SSBP2: variants seen among roughly 807,000 people sequenced by gnomAD.
The protein encoded by SSBP2 is single-stranded DNA-binding protein 2.
Under a neutral mutation model 61.8 loss-of-function variants are expected in SSBP2, and 17 were observed. The observed-to-expected ratio is 0.28, with a 90% CI of 0.19 to 0.41. The LOEUF (loss-of-function observed/expected upper bound fraction) is 0.41. Ranked by LOEUF, SSBP2 falls within the 10% of genes least tolerant of loss-of-function variation. The pLI is 1.00. For synonymous variants in SSBP2, 139 were observed against 141.3 expected, an observed-to-expected ratio of 0.98 and a Z score of 0.12; for missense variants, 310 against 458.7, an observed-to-expected ratio of 0.68 and a Z score of 2.96.
At chr5:81,745,852 TATTAATAAAC>T (rs1175032010) in intron 1 of SSBP2, among the ~76,000 whole-genome samples, 1 of 152,124 alleles carries the variant, frequency 6.6e-6, no homozygotes, top group Non-Finnish European at 1.5e-5. Context: ...TGAGGTGAAG[TATTAATAAAC>T]ATTAATAAAC....
intron 12 of SSBP2, chr5:81,443,062 A>G (rs906336113): frequency 1.3e-5 from 2 of 156,374 alleles, no homozygotes; most frequent in African/African-American, 4.8e-5. Context: ...GTAATATATA[A>G]TATCTCTTAA....
At chr5:81,424,737 T>G (rs1482402030) in intron 16 of SSBP2, among the ~76,000 whole-genome samples, 1 of 152,206 alleles carries the variant, frequency 6.6e-6, no homozygotes, top group East Asian at 1.9e-4. Flanking sequence ...TGCTATAGAT[T>G]ACTATTCTTC....
chr5:81,659,950 A>G (rs1232720795), intron 1 of SSBP2, among the ~76,000 whole-genome samples: 1 of 152,018 alleles, frequency 6.6e-6, no homozygotes, highest in Non-Finnish European at 1.5e-5. Context: ...ATGGTGCTGG[A>G]AAAATTGGCT....
chr5:81,475,110 T>C (rs1487720570), intron 6 of SSBP2, among the ~76,000 whole-genome samples: 1 of 152,096 alleles, frequency 6.6e-6, no homozygotes, highest in East Asian at 1.9e-4. Context: ...CTGACAAAGG[T>C]AGATATGAAC....
At chr5:81,437,628 G>T in intron 14 of SSBP2, 170 bp from the exon 15 acceptor site, 1 of 451,834 alleles carries the variant, frequency 2.2e-6, no homozygotes, top group Non-Finnish European at 3.9e-6. Flanking sequence ...TAGTGAATCA[G>T]TACCATCTGA....
rs1773884668 is a variant in SSBP2, at chr5:81,572,115, A to G, written c.282+43358T>C. ...AGATTCTTAATGAAAAGGGCATTTT[A>G]CTTTCACAGCATTTTGATGGCCTAC... On this transcript the variant is annotated intron_variant, in intron 4 of 16. Coordinates refer to ENST00000320672, the MANE Select transcript of SSBP2 (RefSeq NM_012446.5). Among the ~76,000 whole-genome samples, 3 of 152,172 alleles carry G rather than the reference A, an allele frequency of 2.0e-5. No homozygotes were observed. In the South Asian group the frequency reaches 6.2e-4, roughly 31 times the overall value.
In SSBP2 at chr5:81,416,282, A is replaced by G. The variant is rs1390498078; in HGVS notation, c.*4222T>C. 1 of 152,206 alleles carries G rather than the reference A, an allele frequency of 6.6e-6. No individual in the cohort carries two copies. Among genetic ancestry groups the G allele is most frequent in the African/African-American group, 2.4e-5 (1 of 41,440 alleles). The allele number at this position is 152,206 out of a possible 1,614,324, so 9.4% of individuals were successfully genotyped here. A position where few individuals can be genotyped will look rare whatever the true frequency, so the allele number is the denominator to read the frequency against. ...TGTCAAAACACTAAAATGCATTCCA[A>G]AATCAAAATCAAGTGGCTATGATTT... On this transcript the variant is annotated 3_prime_UTR_variant, in exon 17 of 17. Coordinates refer to ENST00000320672, the MANE Select transcript of SSBP2 (RefSeq NM_012446.5).
chr5:81,528,776 G>A (rs991384222), intron 4 of SSBP2, among the ~76,000 whole-genome samples: 19 of 151,996 alleles, frequency 1.3e-4, no homozygotes, highest in African/African-American at 4.3e-4. Context: ...ATACAAAGAC[G>A]GTCTTTAGTC....
chr5:81,592,105 C>T lies in SSBP2; in HGVS notation c.282+23368G>A, dbSNP rs558698311. Among the ~76,000 whole-genome samples the T allele has an allele frequency of 1.1e-3, 162 of 152,296 alleles. 2 individuals are homozygous for T. Among genetic ancestry groups the T allele is most frequent in the East Asian group, 1.4e-3 (7 of 5,182 alleles). On this transcript the variant is annotated intron_variant, in intron 4 of 16. Transcript: ENST00000320672. ...CCTAGTCAAAGAAAGGGGTGACAGA[C>T]GGCACCTGGAAAATCGGGTCACTCC...
chr5:81,607,627 G>T (rs1421167962), intron 4 of SSBP2, among the ~76,000 whole-genome samples: 4 of 152,088 alleles, frequency 2.6e-5, no homozygotes, highest in Non-Finnish European at 5.9e-5. Context: ...AAAACTTCTG[G>T]AAGAAGCCAT....
intron 4 of SSBP2, among the ~76,000 whole-genome samples, chr5:81,555,229 T>C (rs1000832946): frequency 4.6e-5 from 7 of 152,098 alleles, no homozygotes; most frequent in African/African-American, 1.7e-4. Context: ...AAATCACTAA[T>C]ATAAAACATT....
At chr5:81,441,011 T>C (rs900835729) in intron 13 of SSBP2, among the ~76,000 whole-genome samples, 22 of 152,374 alleles carry the variant, frequency 1.4e-4, no homozygotes, top group South Asian at 1.0e-3. Flanking sequence ...GTTAAGGGTA[T>C]TGGCTTATTA....
At chr5:81,552,359 C>T (rs1326771160) in intron 4 of SSBP2, among the ~76,000 whole-genome samples, 2 of 152,014 alleles carry the variant, frequency 1.3e-5, no homozygotes, top group Non-Finnish European at 1.5e-5. Flanking sequence ...AAGTAAAGGC[C>T]GGGCACGGTG....
At chr5:81,640,218 T>C (rs1748651383) in intron 2 of SSBP2, among the ~76,000 whole-genome samples, 1 of 152,172 alleles carries the variant, frequency 6.6e-6, no homozygotes, top group Non-Finnish European at 1.5e-5. Flanking sequence ...TGTGCGCCTG[T>C]AGTCCCAGCT....
intron 1 of SSBP2, among the ~76,000 whole-genome samples, chr5:81,658,747 A>T (rs1169364987): frequency 6.6e-6 from 1 of 152,190 alleles, no homozygotes; most frequent in East Asian, 1.9e-4. Flanking sequence ...TTCCCTAATG[A>T]ACATCGATGC....
chr5:81,616,918 C>A (rs552397346), intron 3 of SSBP2, among the ~76,000 whole-genome samples: 2 of 150,564 alleles, frequency 1.3e-5, no homozygotes, highest in Non-Finnish European at 1.5e-5. Context: ...AAACTAACAA[C>A]CAGAAAGGAC....
chr5:81,653,096 T>C (rs759670705), intron 1 of SSBP2, among the ~76,000 whole-genome samples: 1 of 152,078 alleles, frequency 6.6e-6, no homozygotes, highest in Non-Finnish European at 1.5e-5. Flanking sequence ...ATCCCTCCCT[T>C]ACCCCCTCAC....
upstream of SSBP2, chr5:81,751,296 C>T: frequency 1.8e-6 from 1 of 554,670 alleles, no homozygotes; most frequent in Admixed American, 3.3e-5. Context: ...CCCCGACTCC[C>T]TCCCTCCCGC....
chr5:81,483,513 A>G (rs1766151758), intron 6 of SSBP2, among the ~76,000 whole-genome samples: 1 of 152,152 alleles, frequency 6.6e-6, no homozygotes, highest in African/African-American at 2.4e-5. Flanking sequence ...CAGAACTAGA[A>G]GAGCCTTTAG....
Sources: gnomAD v4.1 joint callset for allele counts (sites outside exome capture counted in the v4.1 genomes callset) on GRCh38, gnomAD v4.1.1 for gene constraint, MANE v1.5 for transcripts, NCBI Gene and HGNC (gene_info 2026-07-23, HGNC 2026-07-21) for gene names.